The following LRRTM4 variants were observed in gnomAD, a reference collection of about 807,000 sequenced individuals.
LRRTM4 encodes leucine rich repeat transmembrane neuronal 4, also known as leucine-rich repeat transmembrane neuronal protein 4.
LRRTM4 carries 25 observed loss-of-function variants against 47.6 expected under a neutral mutation model. The observed-to-expected ratio is 0.53, with a 90% confidence interval of 0.38 to 0.73. The LOEUF is 0.73. Among genes scored for constraint, LRRTM4 ranks in the 30% least tolerant of loss-of-function variants. LRRTM4 has a pLI of 0.00. For missense variants in LRRTM4, 638 were observed against 713.4 expected (o/e 0.89, Z 1.20); for synonymous variants, 311 against 269.5 (o/e 1.15, Z -1.51).
chr2:76,884,832 C>T (rs1673025719), intron 3 of LRRTM4, among the ~76,000 whole-genome samples: 1 of 151,954 alleles, frequency 6.6e-6, no homozygotes, highest in South Asian at 2.1e-4. Context: ...TAAAAATATT[C>T]ATCAGTGAAA....
chr2:77,299,847 A>ATTTTTT (rs145008759), intron 3 of LRRTM4, among the ~76,000 whole-genome samples: 26 of 114,198 alleles, frequency 2.3e-4, no homozygotes, highest in African/African-American at 6.4e-4. Context: ...TAAGGTAATG[A>ATTTTTT]TTTTTTTTTT....
intron 3 of LRRTM4, chr2:76,989,908 TA>T (rs1375039675): frequency 6.6e-6 from 1 of 151,834 alleles, no homozygotes; most frequent in Non-Finnish European, 1.5e-5. Flanking sequence ...ATAAAACAGA[TA>T]AAGTACATGG....
At position 77,179,995 on chromosome 2, in the gene LRRTM4, G is replaced by C. The variant is rs1219226197; in HGVS notation, c.1551+338323C>G. On this transcript the variant is annotated intron_variant, in intron 3 of 3. Transcript: ENST00000409884. ...TCAAGGTGGCTTATATTCAAGAGCT[G>C]AATAAAAATTATTAGAAAGTGGAGG... Among the ~76,000 whole-genome samples the C allele has an allele frequency of 2.6e-5, 4 of 152,102 alleles. No individual in the cohort carries two copies. In the East Asian group the frequency reaches 7.7e-4, roughly 29 times the overall value.
chr2:77,111,193 T>G (rs758772707), intron 3 of LRRTM4, among the ~76,000 whole-genome samples: 10 of 152,030 alleles, frequency 6.6e-5, no homozygotes, highest in Non-Finnish European at 1.3e-4. Context: ...CACTGCAACC[T>G]CTGCCTCCCG....
chr2:76,809,949 G>T (rs1670683655), intron 3 of LRRTM4, among the ~76,000 whole-genome samples: 2 of 151,876 alleles, frequency 1.3e-5, no homozygotes, highest in African/African-American at 2.4e-5. Flanking sequence ...ATAGACTCCT[G>T]CCCTGACCAA....
In LRRTM4 at chr2:76,841,676, A is replaced by AC. The variant is rs1198360573; in HGVS notation, c.1552-92761_1552-92760insG. Among the ~76,000 whole-genome samples, 960 of 149,738 alleles carry AC rather than the reference A, an allele frequency of 6.4e-3. 8 individuals carry two copies. Among genetic ancestry groups the AC allele is most frequent in the African/African-American group, 0.022 (876 of 40,640 alleles). On this transcript the variant is annotated intron_variant, in intron 3 of 3. Coordinates refer to ENST00000409884, the MANE Select transcript of LRRTM4 (RefSeq NM_001134745.3). ...TTGGTAACCTGGAGAAAAAAAAAAA[A>AC]AACTTTACTGTGTATATATATATAA...
chr2:77,097,768 T>C (rs1046186634), intron 3 of LRRTM4, among the ~76,000 whole-genome samples: 1 of 151,860 alleles, frequency 6.6e-6, no homozygotes, highest in African/African-American at 2.4e-5. Flanking sequence ...AGCATTTGAA[T>C]TAAAGAATTA....
chr2:76,954,230 C>G (rs148341333), intron 3 of LRRTM4, among the ~76,000 whole-genome samples: 2 of 151,822 alleles, frequency 1.3e-5, no homozygotes, highest in African/African-American at 4.8e-5. Flanking sequence ...TAGAAACAAA[C>G]TCTAGGGAAA....
intron 3 of LRRTM4, among the ~76,000 whole-genome samples, chr2:77,088,864 T>C (rs1407025388): frequency 6.6e-6 from 1 of 151,998 alleles, no homozygotes; most frequent in African/African-American, 2.4e-5. Flanking sequence ...CCTCCCTCAC[T>C]ATCCCTCAAT....
chr2:77,481,974 T>A (rs1677722316), intron 3 of LRRTM4, among the ~76,000 whole-genome samples: 1 of 152,110 alleles, frequency 6.6e-6, no homozygotes, highest in Admixed American at 6.6e-5. Flanking sequence ...GCTTTAAAGT[T>A]CTGTTGCAAT....
At chr2:76,905,233 C>A (rs974454380) in intron 3 of LRRTM4, among the ~76,000 whole-genome samples, 1 of 152,150 alleles carries the variant, frequency 6.6e-6, no homozygotes, top group African/African-American at 2.4e-5. Context: ...GATACCCAGG[C>A]AAACAAGGTC....
At chr2:77,202,573 G>A (rs970977500) in intron 3 of LRRTM4, among the ~76,000 whole-genome samples, 1 of 151,320 alleles carries the variant, frequency 6.6e-6, no homozygotes, top group Non-Finnish European at 1.5e-5. Context: ...AGAAAGTCGA[G>A]CCTAAGAAGG....
intron 3 of LRRTM4, among the ~76,000 whole-genome samples, chr2:76,800,437 T>G (rs542439555): frequency 0.1 from 13,387 of 128,686 alleles, 682 homozygotes; most frequent in Non-Finnish European, 0.13. Context: ...CCTTACACCT[T>G]ATACAAAAAT....
intron 3 of LRRTM4, among the ~76,000 whole-genome samples, chr2:77,128,537 G>A (rs555667917): frequency 2.0e-5 from 3 of 152,190 alleles, no homozygotes; most frequent in Admixed American, 6.5e-5. Context: ...TATTCACAAC[G>A]GTAAGTCCCA....
chr2:77,231,307 C>T (rs1280699440), intron 3 of LRRTM4, among the ~76,000 whole-genome samples: 1 of 151,822 alleles, frequency 6.6e-6, no homozygotes, highest in Non-Finnish European at 1.5e-5. Context: ...ATCCACTGAG[C>T]TCATAAGAGT....
chr2:77,460,672 T>C (rs10520186), intron 3 of LRRTM4, among the ~76,000 whole-genome samples: 26,662 of 152,168 alleles, frequency 0.18, 2,502 homozygotes, highest in South Asian at 0.31. Context: ...CTTAGATATA[T>C]GCTGCTTGGA....
chr2:77,193,535 C>T (rs10445950), intron 3 of LRRTM4, among the ~76,000 whole-genome samples: 70,142 of 151,026 alleles, frequency 0.46, 17,842 homozygotes, highest in Admixed American at 0.58. Context: ...TTCGGCCGGG[C>T]GTAGTGGCTC....
Position 76,779,715 on chromosome 2 carries a change from A to C in LRRTM4, c.1552-30799T>G, listed in dbSNP as rs1178729331. 7.9e-5 allele frequency among the ~76,000 whole-genome samples: 12 copies of C among 152,150 alleles called. No homozygotes were observed. In the East Asian group the frequency reaches 1.9e-3, roughly 24 times the overall value. ...ACTGATGGGTCTTGACTCTTTATCC[A>C]ATTTGCCAGTCTGTGTCTTTTAATT... On this transcript the variant is annotated intron_variant, in intron 3 of 3. Transcript: ENST00000409884.
intron 3 of LRRTM4, among the ~76,000 whole-genome samples, chr2:77,265,771 TA>T (rs1676033858): frequency 6.6e-6 from 1 of 152,164 alleles, no homozygotes; most frequent in Non-Finnish European, 1.5e-5. Flanking sequence ...AAAGTTTTAC[TA>T]TATTAAAAAG....
Sources: gnomAD v4.1 joint callset for allele counts (sites outside exome capture counted in the v4.1 genomes callset) on GRCh38, gnomAD v4.1.1 for gene constraint, MANE v1.5 for transcripts, NCBI Gene and HGNC (gene_info 2026-07-23, HGNC 2026-07-21) for gene names.